SCARA3: variants seen among roughly 807,000 people sequenced by gnomAD.
SCARA3 encodes cellular stress response gene protein.
Under a neutral mutation model 47.0 loss-of-function variants are expected in SCARA3, and 39 were observed. The observed-to-expected ratio is 0.83, with a 90% confidence interval of 0.64 to 1.08. The LOEUF (loss-of-function observed/expected upper bound fraction) is 1.08. Among genes scored for constraint, SCARA3 ranks in the 50% least tolerant of loss-of-function variants. The pLI, the probability that SCARA3 is intolerant of heterozygous loss-of-function variation, is 0.00. For synonymous variants in SCARA3, 356 were observed against 334.1 expected (o/e 1.07, Z -0.71); for missense variants, 724 against 792.3 (o/e 0.91, Z 1.04).
At chr8:27,678,455 A>G (rs1802310772), downstream of SCARA3, among the ~76,000 whole-genome samples, 1 of 152,224 alleles carries the variant, frequency 6.6e-6, no homozygotes, top group Non-Finnish European at 1.5e-5. Flanking sequence ...TAAAGAATAC[A>G]AACAACCACA....
chr8:27,731,641 CAAAAAAAAAA>C, the SCARA3 span, among the ~76,000 whole-genome samples: 4 of 100,052 alleles, frequency 4.0e-5, no homozygotes, highest in Non-Finnish European at 7.8e-5. Flanking sequence ...GACTCTGTCT[CAAAAAAAAAA>C]AAAAAAAAAA....
the SCARA3 span, among the ~76,000 whole-genome samples, chr8:27,707,302 T>C: frequency 2.6e-5 from 4 of 152,174 alleles, no homozygotes; most frequent in African/African-American, 9.7e-5. Context: ...CTCTTCCCTG[T>C]TACCCCAAAG....
intron 1 of SCARA3, among the ~76,000 whole-genome samples, chr8:27,638,148 G>A (rs1801296680): frequency 6.6e-6 from 1 of 152,152 alleles, no homozygotes; most frequent in Admixed American, 6.5e-5. Context: ...TCGAGAGCGA[G>A]GAAAAAGCCT....
chr8:27,679,533 A>T (rs1424976355), downstream of SCARA3, among the ~76,000 whole-genome samples: 2 of 152,184 alleles, frequency 1.3e-5, no homozygotes, highest in Admixed American at 1.3e-4. Context: ...CAACAAAAAA[A>T]TTTACTCTCT....
the SCARA3 span, among the ~76,000 whole-genome samples, chr8:27,696,690 A>G: frequency 1.4e-5 from 2 of 147,770 alleles, no homozygotes; most frequent in African/African-American, 2.5e-5. Context: ...GTCTCAAACT[A>G]TTGTCCTCAA....
At chr8:27,639,004 A>G (rs1442122625) in intron 1 of SCARA3, among the ~76,000 whole-genome samples, 1 of 151,992 alleles carries the variant, frequency 6.6e-6, no homozygotes, top group Non-Finnish European at 1.5e-5. Flanking sequence ...GGCAAATCTG[A>G]CGGCACCAGA....
intron 1 of SCARA3, among the ~76,000 whole-genome samples, chr8:27,643,696 G>A (rs151238356): frequency 1.3e-5 from 2 of 152,088 alleles, no homozygotes; most frequent in South Asian, 2.1e-4. Context: ...TATTTTTACC[G>A]ATCCAATTGG....
At chr8:27,710,192 T>C in the SCARA3 span, among the ~76,000 whole-genome samples, 4 of 141,560 alleles carry the variant, frequency 2.8e-5, no homozygotes, top group African/African-American at 1.1e-4. Context: ...ATGGTGCCAC[T>C]GCACTCCAGC....
rs764823470 is a variant in SCARA3 at position 27,649,715 on chromosome 8, C to T, written c.21C>T (p.Gly7=). The T allele has an allele frequency of 6.8e-6, 11 of 1,614,038 alleles. No homozygotes were observed. The highest frequency in any genetic ancestry group is 1.3e-5 in the African/African-American group (1 of 75,030). ...GCTTCATTATAGTGAGGTCGGCCGG[C>T]GGCGATGGAGATGCCTTGTGCGTTA... is the stretch of plus-strand genomic sequence containing the variant. The part of the protein sequence containing the change: MKVRSA[G]GDGDALCVTE... The change falls in exon 2 of 6, where the codon GGC becomes GGT. Residue 7 remains glycine (G), a synonymous_variant. Coordinates refer to ENST00000301904, the MANE Select transcript of SCARA3 (RefSeq NM_016240.3).
chr8:27,636,522 A>T (rs1437770050), intron 1 of SCARA3, among the ~76,000 whole-genome samples: 1 of 152,178 alleles, frequency 6.6e-6, no homozygotes, highest in Non-Finnish European at 1.5e-5. Context: ...ATGAATATTT[A>T]AAAAGAGGTG....
chr8:27,724,720 C>T, the SCARA3 span, among the ~76,000 whole-genome samples: 2 of 152,072 alleles, frequency 1.3e-5, no homozygotes, highest in African/African-American at 2.4e-5. Flanking sequence ...ATGGATTAAC[C>T]TCAGTCAGAA....
At position 27,659,315 on chromosome 8, in the gene SCARA3, G is replaced by C; in HGVS notation, c.1145G>C (p.Arg382Pro). ...HSMLKYLDDV[R>P]LSCTLGFHTH... Reference sequence around the variant, plus strand: ...ATGCTCAAGTACCTGGATGACGTGCGGCTCTCCTGCACGCTGGGCTTCCAC... The same window carrying C: ...ATGCTCAAGTACCTGGATGACGTGCCGCTCTCCTGCACGCTGGGCTTCCAC... Residue 382 changes from arginine (R) to proline (P), a missense_variant, in exon 5 of 6, where the codon CGG (arginine) becomes CCG (proline). Physicochemically the swap from Arg to Pro is moderately radical, Grantham distance 103. Transcript: ENST00000301904. 1 of 1,613,900 alleles carries C rather than the reference G, an allele frequency of 6.2e-7. No individual in the cohort carries two copies. Among genetic ancestry groups the C allele is most frequent in the Non-Finnish European group, 8.5e-7 (1 of 1,179,982 alleles).
the SCARA3 span, among the ~76,000 whole-genome samples, chr8:27,717,031 G>A: frequency 7.2e-5 from 11 of 152,128 alleles, no homozygotes; most frequent in African/African-American, 2.4e-4. Flanking sequence ...TACAAAGACT[G>A]GGGTGTAATC....
At chr8:27,721,559 C>G in the SCARA3 span, among the ~76,000 whole-genome samples, 1 of 152,046 alleles carries the variant, frequency 6.6e-6, no homozygotes, top group Non-Finnish European at 1.5e-5. Flanking sequence ...TTGGTTCTGG[C>G]CTTTAGAGTG....
chr8:27,714,496 G>T, the SCARA3 span, among the ~76,000 whole-genome samples: 2 of 152,008 alleles, frequency 1.3e-5, no homozygotes, highest in African/African-American at 2.4e-5. Context: ...CCGGGCCTCA[G>T]GTATTTCTTT....
At chr8:27,690,476 A>G in the SCARA3 span, among the ~76,000 whole-genome samples, 1 of 152,206 alleles carries the variant, frequency 6.6e-6, no homozygotes, top group African/African-American at 2.4e-5. Context: ...CTGTAATAGC[A>G]AAAGATTGTA....
the SCARA3 span, among the ~76,000 whole-genome samples, chr8:27,718,383 G>T: frequency 6.6e-6 from 1 of 152,242 alleles, no homozygotes; most frequent in Admixed American, 6.5e-5. Context: ...AATTTATTTG[G>T]ATTGAAAAAA....
chr8:27,662,937 T>C (rs1255066690), intron 5 of SCARA3, among the ~76,000 whole-genome samples: 4 of 152,250 alleles, frequency 2.6e-5, no homozygotes, highest in Admixed American at 1.3e-4. Context: ...CCTCCCCTGC[T>C]GGGGTCACCC....
the SCARA3 span, among the ~76,000 whole-genome samples, chr8:27,725,169 A>G: frequency 4.6e-5 from 7 of 152,258 alleles, no homozygotes; most frequent in African/African-American, 1.7e-4. Flanking sequence ...CAAACAAACA[A>G]AAACAGGTTG....
Sources: allele counts gnomAD v4.1 joint callset (sites outside exome capture counted in the v4.1 genomes callset), GRCh38; gene constraint gnomAD v4.1.1; transcripts MANE v1.5; gene names NCBI Gene and HGNC (gene_info 2026-07-23, HGNC 2026-07-21).